GPC5: variants seen among roughly 807,000 people sequenced by gnomAD.
GPC5 encodes the protein glypican-5.
In GPC5, 47 loss-of-function variants were observed where a neutral mutation model predicts 53.9. That is an observed-to-expected ratio of 0.87 (90% CI 0.69 to 1.11). The LOEUF is 1.11. Ranked by LOEUF, GPC5 falls within the 50% of genes most tolerant of loss-of-function variation. The probability of loss-of-function intolerance (pLI) is 0.00; values close to 1 mark genes in which losing one functional copy is unlikely to be tolerated. For synonymous variants in GPC5, 286 were observed against 263.3 expected, an observed-to-expected ratio of 1.09 and a Z score of -0.84; for missense variants, 748 against 713.1, an observed-to-expected ratio of 1.05 and a Z score of -0.56.
At chr13:92,215,974 G>A (rs1360389) in intron 7 of GPC5, among the ~76,000 whole-genome samples, 5,433 of 152,182 alleles carry the variant, frequency 0.036, 341 homozygotes, top group African/African-American at 0.12. Flanking sequence ...GTCTGGGAAT[G>A]GGATTCCAAC....
At chr13:92,744,662 G>A (rs936180589) in intron 7 of GPC5, among the ~76,000 whole-genome samples, 7 of 152,210 alleles carry the variant, frequency 4.6e-5, no homozygotes, top group Non-Finnish European at 7.4e-5. Context: ...TAAAGATATT[G>A]AAGGAATCAA....
chr13:91,625,583 A>G (rs1400130155), intron 2 of GPC5, among the ~76,000 whole-genome samples: 1 of 152,050 alleles, frequency 6.6e-6, no homozygotes, highest in East Asian at 1.9e-4. Context: ...TAATATCTAA[A>G]GGCTATGGGT....
intron 6 of GPC5, among the ~76,000 whole-genome samples, chr13:91,927,240 T>C (rs536626284): frequency 1.3e-5 from 2 of 152,312 alleles, no homozygotes; most frequent in East Asian, 3.9e-4. Context: ...TTTGTTAAGA[T>C]TGGGTTATTA....
chr13:92,577,418 A>ATGTG (rs56162097), intron 7 of GPC5, among the ~76,000 whole-genome samples: 4,175 of 145,400 alleles, frequency 0.029, 158 homozygotes, highest in African/African-American at 0.089. Context: ...ATGTATGTAT[A>ATGTG]TGTGTGTGTG....
At chr13:92,247,941 T>G (rs911056191) in intron 7 of GPC5, among the ~76,000 whole-genome samples, 2 of 152,078 alleles carry the variant, frequency 1.3e-5, no homozygotes, top group African/African-American at 4.8e-5. Context: ...ATTATAGATA[T>G]ATAAGACTAC....
chr13:92,119,785 T>G (rs1322904154), intron 6 of GPC5, among the ~76,000 whole-genome samples: 1 of 151,988 alleles, frequency 6.6e-6, no homozygotes, highest in Non-Finnish European at 1.5e-5. Context: ...GAATTTCATG[T>G]GTAGATGAGT....
At chr13:92,225,477 A>G (rs889370972) in intron 7 of GPC5, among the ~76,000 whole-genome samples, 9 of 152,188 alleles carry the variant, frequency 5.9e-5, no homozygotes, top group African/African-American at 2.2e-4. Context: ...GAGCTATACA[A>G]AAACTTAGAA....
chr13:91,844,842 C>T (rs1247033616), intron 5 of GPC5, among the ~76,000 whole-genome samples: 1 of 152,080 alleles, frequency 6.6e-6, no homozygotes, highest in Non-Finnish European at 1.5e-5. Flanking sequence ...TCTCCTTTCT[C>T]TGCCTCCTGA....
intron 7 of GPC5, among the ~76,000 whole-genome samples, chr13:92,536,940 A>G (rs1227192669): frequency 6.6e-6 from 1 of 151,930 alleles, no homozygotes; most frequent in East Asian, 1.9e-4. Context: ...ATCTCTTGGC[A>G]TTTTTCAAAT....
At chr13:92,145,054 G>T in intron 7 of GPC5, 65 bp downstream of exon 7, 1 of 1,201,050 alleles carries the variant, frequency 8.3e-7, no homozygotes, top group Non-Finnish European at 1.1e-6. Context: ...TAAAGATATT[G>T]TTATGGATGT....
intron 5 of GPC5, among the ~76,000 whole-genome samples, chr13:91,824,802 T>C (rs1332093): frequency 0.32 from 49,357 of 151,930 alleles, 9,482 homozygotes; most frequent in East Asian, 0.64. Context: ...ATTAAATCCT[T>C]AGTATATTTG....
intron 7 of GPC5, among the ~76,000 whole-genome samples, chr13:92,388,675 T>A (rs1284170553): frequency 6.6e-6 from 1 of 152,076 alleles, no homozygotes; most frequent in Non-Finnish European, 1.5e-5. Flanking sequence ...TTAGGTGATT[T>A]GTGGGAGTCT....
At chr13:92,232,505 G>C (rs1299420545) in intron 7 of GPC5, among the ~76,000 whole-genome samples, 1 of 152,084 alleles carries the variant, frequency 6.6e-6, no homozygotes, top group Non-Finnish European at 1.5e-5. Context: ...TCTCATGTCT[G>C]GCAGATCATC....
rs116530682 is a variant in GPC5 at position 91,786,458 on chromosome 13, C to T, written c.1280+30038C>T. On this transcript the variant is annotated intron_variant, in intron 5 of 7. Coordinates refer to ENST00000377067, the MANE Select transcript of GPC5 (RefSeq NM_004466.6). ...CCTGTACATCTTTTTGACAGAGTGC[C>T]TATTTGATTTTTTTATTTTTTAAAA... 3.2e-3 allele frequency among the ~76,000 whole-genome samples: 488 copies of T among 152,186 alleles called. 10 individuals are homozygous for T. The highest frequency in any genetic ancestry group is 0.011 in the African/African-American group (463 of 41,512).
At chr13:92,760,485 T>A (rs67937794) in intron 7 of GPC5, among the ~76,000 whole-genome samples, 6 of 151,982 alleles carry the variant, frequency 3.9e-5, no homozygotes, top group Admixed American at 3.9e-4. Context: ...TAGTCTCTTA[T>A]GATCCTTTCT....
intron 5 of GPC5, among the ~76,000 whole-genome samples, chr13:91,821,787 G>C (rs1225614899): frequency 6.6e-6 from 1 of 152,016 alleles, no homozygotes; most frequent in Non-Finnish European, 1.5e-5. Context: ...CATTACATGT[G>C]ATCCTTTTTA....
intron 7 of GPC5, among the ~76,000 whole-genome samples, chr13:92,161,243 C>T (rs1244705080): frequency 6.6e-6 from 1 of 152,054 alleles, no homozygotes; most frequent in African/African-American, 2.4e-5. Flanking sequence ...AATAGTGAAT[C>T]AACATTTCCA....
chr13:92,590,163 G>T (rs1472654136), intron 7 of GPC5, among the ~76,000 whole-genome samples: 1 of 152,102 alleles, frequency 6.6e-6, no homozygotes, highest in Non-Finnish European at 1.5e-5. Flanking sequence ...ACTGCACATA[G>T]CCCACTTCCT....
chr13:92,544,688 A>G (rs1301216390), intron 7 of GPC5, among the ~76,000 whole-genome samples: 1 of 152,074 alleles, frequency 6.6e-6, no homozygotes. Context: ...ATTAGTAGTG[A>G]AACATAATTT....
Sources: gnomAD v4.1 joint callset for allele counts (sites outside exome capture counted in the v4.1 genomes callset) on GRCh38, gnomAD v4.1.1 for gene constraint, MANE v1.5 for transcripts, NCBI Gene and HGNC (gene_info 2026-07-23, HGNC 2026-07-21) for gene names.